ATAD1: variants seen among roughly 807,000 people sequenced by gnomAD.
The protein encoded by ATAD1 is outer mitochondrial transmembrane helix translocase.
ATAD1 carries 18 observed loss-of-function variants against 42.7 expected under a neutral mutation model. The observed-to-expected ratio is 0.42, with a 90% CI of 0.29 to 0.63. The LOEUF (loss-of-function observed/expected upper bound fraction) is 0.63, where lower values mean the gene tolerates loss of function less well. Among genes scored for constraint, ATAD1 ranks in the 20% least tolerant of loss-of-function variants. The pLI, the probability that ATAD1 is intolerant of heterozygous loss-of-function variation, is 0.19. For missense variants in ATAD1, 294 were observed against 440.4 expected (o/e 0.67, Z 2.98); for synonymous variants, 132 against 143.1 (o/e 0.92, Z 0.55).
At chr10:87,818,091 T>C in intron 1 of ATAD1, 76 bp downstream of exon 1, 1 of 985,414 alleles carries the variant, frequency 1.0e-6, no homozygotes. Context: ...GGTTCCCAGG[T>C]CCGAGACGGT....
intron 4 of ATAD1, among the ~76,000 whole-genome samples, chr10:87,786,911 C>T (rs539748402): frequency 2.0e-5 from 3 of 151,850 alleles, no homozygotes; most frequent in Non-Finnish European, 4.4e-5. Flanking sequence ...GCCGAGATTG[C>T]GCCATTGCAC....
rs561438420 is a variant in ATAD1, at chr10:87,761,246, A to G, written c.832-4324T>C. Among the ~76,000 whole-genome samples the G allele has an allele frequency of 2.2e-4, 34 of 152,294 alleles. No homozygotes were observed. The South Asian group carries it at 5.6e-3, about 25-fold the overall frequency. On this transcript the variant is annotated intron_variant, in intron 8 of 9. Transcript: ENST00000680024. ...GTAATCCTTCAGCATATAAATACCA[A>G]CCAGTGGGAAATGACGAGATGTTCT... is the stretch of plus-strand genomic sequence containing the variant.
rs759707317 is a variant in ATAD1, at chr10:87,791,787, ATACAT to A, written c.261+865_261+869del. Among the ~76,000 whole-genome samples the A allele has an allele frequency of 2.0e-4, 31 of 152,226 alleles. 1 individual carries two copies. The highest frequency in any genetic ancestry group is 6.5e-4 in the Admixed American group (10 of 15,282). On this transcript the variant is annotated intron_variant, in intron 3 of 9. Coordinates refer to ENST00000680024, the MANE Select transcript of ATAD1 (RefSeq NM_001321967.2). ...TTACAAAATATTGATATAGGATCTT[ATACAT>A]TACATCAATCTCATCCTCAAAATAA...
Position 87,753,038 on chromosome 10 carries a change from C to A in ATAD1, c.*1649G>T, listed in dbSNP as rs1331938746. ...TCCATAGCAAGATAAAGTCTAAACA[C>A]AAGTTTTATAAACCAAAAAAAATCC... On this transcript the variant is annotated 3_prime_UTR_variant, in exon 10 of 10. Coordinates refer to ENST00000680024, the MANE Select transcript of ATAD1 (RefSeq NM_001321967.2). 6.6e-6 allele frequency: 1 copy of A among 151,916 alleles called. No individual in the cohort carries two copies. The highest frequency in any genetic ancestry group is 6.6e-5 in the Admixed American group (1 of 15,254). 9.4% of individuals were successfully genotyped at this position (151,916 alleles called of 1,614,324 possible). A position where few individuals can be genotyped will look rare whatever the true frequency, so the allele number is the denominator to read the frequency against.
chr10:87,824,274 A>C (rs1857685425), intron 1 of ATAD1, among the ~76,000 whole-genome samples: 1 of 152,180 alleles, frequency 6.6e-6, no homozygotes, highest in Admixed American at 6.5e-5. Context: ...GGTATGACAT[A>C]CGATTCAAAC....
intron 1 of ATAD1, among the ~76,000 whole-genome samples, chr10:87,839,432 A>G (rs1460529912): frequency 6.6e-6 from 1 of 152,246 alleles, no homozygotes; most frequent in Non-Finnish European, 1.5e-5. Flanking sequence ...ATCGTATTGA[A>G]TAATATAAAT....
chr10:87,804,517 C>T (rs1278244444), intron 2 of ATAD1, among the ~76,000 whole-genome samples: 1 of 151,928 alleles, frequency 6.6e-6, no homozygotes, highest in African/African-American at 2.4e-5. Flanking sequence ...CTACAGGCAC[C>T]CATTACCATG....
rs1381140506 is a variant in ATAD1 at position 87,753,435 on chromosome 10, G to C, written c.*1252C>G. The C allele has an allele frequency of 6.6e-6, 1 of 152,152 alleles. No individual in the cohort carries two copies. The highest frequency in any genetic ancestry group is 6.5e-5 in the Admixed American group (1 of 15,274). The allele number at this position is 152,152 out of a possible 1,614,324, so 9.4% of individuals were successfully genotyped here. A position where few individuals can be genotyped will look rare whatever the true frequency, so the allele number is the denominator to read the frequency against. ...AAACATATGAAGCATAATTTAATCT[G>C]ATGATTCAGAAGGCACCTCAAGATT... On this transcript the variant is annotated 3_prime_UTR_variant, in exon 10 of 10. Transcript: ENST00000680024.
intron 1 of ATAD1, chr10:87,832,192 C>G (rs1193346926): frequency 2.0e-5 from 3 of 151,528 alleles, no homozygotes; most frequent in Non-Finnish European, 4.4e-5. Flanking sequence ...TTCAGCACCC[C>G]CACACCAGGC....
In ATAD1 at chr10:87,792,615, C is replaced by T. The variant is rs1856180940; in HGVS notation, c.261+42G>A. ...CTGACACAAAATGCTAGAACCCACC[C>T]CCACCTCTAAAAAAATCTTAAATAA... is the stretch of plus-strand genomic sequence containing the variant. On this transcript the variant is annotated intron_variant, in intron 3 of 9. Coordinates refer to ENST00000680024, the MANE Select transcript of ATAD1 (RefSeq NM_001321967.2). The T allele has an allele frequency of 3.2e-6, 4 of 1,234,928 alleles. No individual in the cohort carries two copies. In the East Asian group the frequency reaches 7.3e-5, roughly 22 times the overall value. 76.5% of individuals were successfully genotyped at this position (1,234,928 alleles called of 1,614,324 possible).
intron 6 of ATAD1, among the ~76,000 whole-genome samples, chr10:87,772,909 G>C (rs1042560365): frequency 9.9e-5 from 15 of 151,920 alleles, no homozygotes; most frequent in Non-Finnish European, 1.5e-5. Flanking sequence ...TACTACTTAA[G>C]AAACAAAATC....
chr10:87,768,505 ACT>A (rs1439794045), intron 7 of ATAD1, among the ~76,000 whole-genome samples: 5 of 152,172 alleles, frequency 3.3e-5, no homozygotes, highest in African/African-American at 4.8e-5. Context: ...ACCAACAAAT[ACT>A]CTGTTAAACA....
chr10:87,757,581 A>G (rs983793635), intron 8 of ATAD1, among the ~76,000 whole-genome samples: 3 of 152,190 alleles, frequency 2.0e-5, no homozygotes, highest in Admixed American at 1.3e-4. Flanking sequence ...CTTCTCAGAA[A>G]CTATCAATTT....
upstream of ATAD1, among the ~76,000 whole-genome samples, chr10:87,819,524 AC>A (rs1289583557): frequency 6.6e-6 from 1 of 152,102 alleles, no homozygotes; most frequent in Non-Finnish European, 1.5e-5. Context: ...TGAAGATAAT[AC>A]CTAGTTAATG....
At chr10:87,790,453 T>G in intron 3 of ATAD1, 23 bp from the exon 4 acceptor site, 1 of 1,584,190 alleles carries the variant, frequency 6.3e-7, no homozygotes, top group Non-Finnish European at 8.5e-7. Flanking sequence ...AAGGTCAACA[T>G]GAATTTTACT....
Position 87,792,720 on chromosome 10 carries a change from A to ATT in ATAD1, c.196_197dup (p.Asn66LysfsTer3). ...TCATTTCATATTCTGAGAGCTTCAC[A>ATT]TTTTTCACTCCAATTTGCTTCATTA... On this transcript the variant is annotated frameshift_variant, in exon 3 of 10. Transcript: ENST00000680024. LOFTEE classifies it high-confidence loss of function. 1 of 1,613,896 alleles carries ATT rather than the reference A, an allele frequency of 6.2e-7. No homozygotes were observed. The highest frequency in any genetic ancestry group is 8.5e-7 in the Non-Finnish European group (1 of 1,179,962).
intron 2 of ATAD1, among the ~76,000 whole-genome samples, chr10:87,814,134 C>T (rs565724807): frequency 1.3e-5 from 2 of 152,102 alleles, no homozygotes; most frequent in Non-Finnish European, 2.9e-5. Flanking sequence ...TTGGGTTAGC[C>T]TAAAAACTTT....
chr10:87,838,107 T>G (rs1713238604), intron 1 of ATAD1, among the ~76,000 whole-genome samples: 1 of 152,222 alleles, frequency 6.6e-6, no homozygotes, highest in African/African-American at 2.4e-5. Flanking sequence ...GAAAACTCAC[T>G]GCTTGTTCAG....
intron 6 of ATAD1, among the ~76,000 whole-genome samples, chr10:87,773,588 A>T (rs1855152444): frequency 6.6e-6 from 1 of 152,216 alleles, no homozygotes; most frequent in African/African-American, 2.4e-5. Flanking sequence ...TTTAATAAAA[A>T]GGCAGCAGCA....
Sources: gnomAD v4.1 joint callset for allele counts (sites outside exome capture counted in the v4.1 genomes callset) on GRCh38, gnomAD v4.1.1 for gene constraint, MANE v1.5 for transcripts, NCBI Gene and HGNC (gene_info 2026-07-23, HGNC 2026-07-21) for gene names.